DLG2: variants seen among roughly 807,000 people sequenced by gnomAD.
The protein encoded by DLG2 is discs large MAGUK scaffold protein 2.
Under a neutral mutation model 132.5 loss-of-function variants are expected in DLG2, and 45 were observed. That is an observed-to-expected ratio of 0.34 (90% confidence interval 0.27 to 0.44). DLG2 has a LOEUF of 0.44. DLG2 is among the 20% of genes least tolerant of loss of function. The pLI, the probability that DLG2 is intolerant of heterozygous loss-of-function variation, is 1.00. For missense variants in DLG2, 1,045 were observed against 1,196.9 expected, an observed-to-expected ratio of 0.87 and a Z score of 1.87; for synonymous variants, 424 against 419.6, an observed-to-expected ratio of 1.01 and a Z score of -0.13.
chr11:84,719,968 G>T (rs1185136660), intron 6 of DLG2, among the ~76,000 whole-genome samples: 1 of 152,126 alleles, frequency 6.6e-6, no homozygotes, highest in East Asian at 1.9e-4. Flanking sequence ...CAAATTAGCA[G>T]TCTGGAGCCC....
chr11:85,546,105 C>T (rs1382971729), intron 3 of DLG2, among the ~76,000 whole-genome samples: 1 of 152,078 alleles, frequency 6.6e-6, no homozygotes, highest in East Asian at 1.9e-4. Context: ...TTAGATCTCC[C>T]CTGCTTTCTC....
At chr11:84,733,709 G>C (rs1274248147) in intron 6 of DLG2, among the ~76,000 whole-genome samples, 1 of 152,124 alleles carries the variant, frequency 6.6e-6, no homozygotes, top group Admixed American at 6.5e-5. Flanking sequence ...TGAAGTCCTT[G>C]CCCATGCCTA....
chr11:83,994,133 C>T (rs1011750536), intron 11 of DLG2, among the ~76,000 whole-genome samples: 3 of 152,084 alleles, frequency 2.0e-5, no homozygotes, highest in Non-Finnish European at 4.4e-5. Flanking sequence ...TTTAGTGATA[C>T]ATCATTTTCT....
At chr11:85,551,175 T>C (rs1006272120) in intron 3 of DLG2, among the ~76,000 whole-genome samples, 2 of 152,224 alleles carry the variant, frequency 1.3e-5, no homozygotes, top group East Asian at 1.9e-4. Context: ...ATTTTTGAGA[T>C]AGACAACATC....
chr11:85,203,884 C>T (rs2081650996), intron 4 of DLG2, among the ~76,000 whole-genome samples: 2 of 152,044 alleles, frequency 1.3e-5, no homozygotes, highest in African/African-American at 4.8e-5. Context: ...GTTCAACCTA[C>T]AAAAATCAAT....
chr11:84,456,379 C>A (rs1269407430), intron 7 of DLG2, among the ~76,000 whole-genome samples: 1 of 151,136 alleles, frequency 6.6e-6, no homozygotes, highest in Non-Finnish European at 1.5e-5. Flanking sequence ...TCATATAATT[C>A]CCATAATGAT....
intron 6 of DLG2, among the ~76,000 whole-genome samples, chr11:85,076,296 T>C (rs995115000): frequency 2.6e-5 from 4 of 151,986 alleles, no homozygotes. Flanking sequence ...AACTGTTGAT[T>C]AAATGTACCA....
At chr11:84,107,623 G>C (rs1435541087) in intron 9 of DLG2, among the ~76,000 whole-genome samples, 8 of 152,052 alleles carry the variant, frequency 5.3e-5, no homozygotes, top group Non-Finnish European at 1.0e-4. Context: ...GCATAACTCA[G>C]CCATGGGTAG....
chr11:84,733,162 G>A (rs1268388317), intron 6 of DLG2, among the ~76,000 whole-genome samples: 1 of 152,112 alleles, frequency 6.6e-6, no homozygotes, highest in East Asian at 1.9e-4. Flanking sequence ...ACCCAGTAAT[G>A]GGATTGCTGG....
chr11:83,791,962 T>G (rs191546294), intron 17 of DLG2, among the ~76,000 whole-genome samples: 22 of 152,372 alleles, frequency 1.4e-4, no homozygotes, highest in Admixed American at 4.6e-4. Flanking sequence ...TTTAATATAT[T>G]ATTGCCTTTT....
intron 6 of DLG2, among the ~76,000 whole-genome samples, chr11:84,559,859 T>C (rs1054861758): frequency 1.3e-5 from 2 of 152,146 alleles, no homozygotes; most frequent in African/African-American, 4.8e-5. Flanking sequence ...ATTAAATCAA[T>C]AGTTACTGAG....
chr11:84,652,319 CAA>C (rs1456409549), intron 6 of DLG2, among the ~76,000 whole-genome samples: 1 of 152,010 alleles, frequency 6.6e-6, no homozygotes, highest in Non-Finnish European at 1.5e-5. Flanking sequence ...GGAAGATATA[CAA>C]GAGTTATTTA....
At chr11:84,770,098 C>T (rs937869016) in intron 6 of DLG2, among the ~76,000 whole-genome samples, 3 of 152,082 alleles carry the variant, frequency 2.0e-5, no homozygotes, top group Admixed American at 6.6e-5. Context: ...CTTGCAGTAG[C>T]AAGTGAGTTC....
chr11:84,753,339 C>T (rs184884233), intron 6 of DLG2, among the ~76,000 whole-genome samples: 48 of 152,182 alleles, frequency 3.2e-4, no homozygotes, highest in African/African-American at 1.1e-3. Context: ...AAACAAATCC[C>T]ATAGTGTAGG....
At chr11:84,810,776 C>A (rs543952560) in intron 6 of DLG2, among the ~76,000 whole-genome samples, 1 of 152,032 alleles carries the variant, frequency 6.6e-6, no homozygotes, top group Non-Finnish European at 1.5e-5. Flanking sequence ...TAACAGACTA[C>A]TGATACACAT....
chr11:84,628,128 A>G (rs1374851783), intron 6 of DLG2, among the ~76,000 whole-genome samples: 1 of 151,892 alleles, frequency 6.6e-6, no homozygotes, highest in Non-Finnish European at 1.5e-5. Context: ...ATATATACAC[A>G]CATATAGATA....
At chr11:85,096,124 G>A (rs1299597420) in intron 6 of DLG2, among the ~76,000 whole-genome samples, 1 of 152,182 alleles carries the variant, frequency 6.6e-6, no homozygotes. Flanking sequence ...TCAGCACTCT[G>A]TAAAATGGAC....
Position 84,179,554 on chromosome 11 carries a change from G to A in DLG2, c.574-16043C>T, listed in dbSNP as rs181329528. On this transcript the variant is annotated intron_variant, in intron 8 of 27. Transcript: ENST00000376104. ...CTCCAGAGGGAACAGTCACAGGGCC[G>A]CCACGCTTTTGTGAGTTTTACTGCC... Among the ~76,000 whole-genome samples the A allele has an allele frequency of 2.9e-4, 44 of 152,220 alleles. No homozygotes were observed. The East Asian group carries it at 6.0e-3, about 21-fold the overall frequency.
intron 6 of DLG2, among the ~76,000 whole-genome samples, chr11:84,567,470 C>T (rs1157539972): frequency 6.6e-6 from 1 of 152,184 alleles, no homozygotes; most frequent in Non-Finnish European, 1.5e-5. Context: ...GATGGATCCT[C>T]AATCATCGTT....
Sources: allele counts gnomAD v4.1 joint callset (sites outside exome capture counted in the v4.1 genomes callset), GRCh38; gene constraint gnomAD v4.1.1; transcripts MANE v1.5; gene names NCBI Gene and HGNC (gene_info 2026-07-23, HGNC 2026-07-21).